Variants in AMPH observed in about 807,000 individuals in gnomAD.
The protein encoded by AMPH is amphiphysin (Stiff-Mann syndrome with breast cancer 128kD autoantigen).
AMPH carries 49 observed loss-of-function variants against 99.1 expected under a neutral mutation model. The ratio of observed to expected loss-of-function variants is 0.49; its 90% CI spans 0.39 to 0.63. AMPH has a LOEUF of 0.63. Ranked by LOEUF, AMPH falls within the 20% of genes least tolerant of loss-of-function variation. The pLI is 0.00. For synonymous variants in AMPH, 314 were observed against 317.3 expected, an observed-to-expected ratio of 0.99 and a Z score of 0.11; for missense variants, 759 against 863.4, an observed-to-expected ratio of 0.88 and a Z score of 1.52.
chr7:38,396,172 C>T (rs1784663400), intron 17 of AMPH, among the ~76,000 whole-genome samples: 1 of 152,138 alleles, frequency 6.6e-6, no homozygotes, highest in South Asian at 2.1e-4. Flanking sequence ...TGGTTTGGCT[C>T]TGTGTCCCCA....
At chr7:38,615,549 A>G (rs4723773) in intron 1 of AMPH, among the ~76,000 whole-genome samples, 12,177 of 152,128 alleles carry the variant, frequency 0.08, 809 homozygotes, top group African/African-American at 0.17. Flanking sequence ...CCCCTCTGCA[A>G]AAAAGAGTAA....
chr7:38,567,125 A>G (rs59521978), intron 1 of AMPH, among the ~76,000 whole-genome samples: 3,906 of 152,300 alleles, frequency 0.026, 149 homozygotes, highest in African/African-American at 0.088. Context: ...AATAGCAAAG[A>G]CTTGGAACCA....
At chr7:38,514,284 A>G (rs1350586728) in intron 2 of AMPH, among the ~76,000 whole-genome samples, 1 of 152,224 alleles carries the variant, frequency 6.6e-6, no homozygotes, top group South Asian at 2.1e-4. Flanking sequence ...TCATGCCTCA[A>G]TAGTTACCTG....
intron 7 of AMPH, among the ~76,000 whole-genome samples, chr7:38,470,939 C>A (rs1254773443): frequency 1.3e-5 from 2 of 152,066 alleles, no homozygotes; most frequent in African/African-American, 4.8e-5. Flanking sequence ...AAAATTTTTT[C>A]TGCATTGAAC....
At chr7:38,449,281 T>G (rs896498356) in intron 11 of AMPH, among the ~76,000 whole-genome samples, 4 of 152,226 alleles carry the variant, frequency 2.6e-5, no homozygotes, top group Admixed American at 2.0e-4. Flanking sequence ...CTGCTCTCTT[T>G]CGGGTGCTTA....
intron 1 of AMPH, among the ~76,000 whole-genome samples, chr7:38,555,320 G>GCTTGAGC (rs1429021336): frequency 6.6e-6 from 1 of 152,002 alleles, no homozygotes; most frequent in Non-Finnish European, 1.5e-5. Flanking sequence ...TAGGAGGATT[G>GCTTGAGC]CTTGAGCCCA....
At chr7:38,494,309 CAGTGCCT>C in intron 4 of AMPH, 117 bp downstream of exon 4, 2 of 812,564 alleles carry the variant, frequency 2.5e-6, no homozygotes, top group South Asian at 3.0e-5. Context: ...CAGAACTGCA[CAGTGCCT>C]TCTGAGCACA....
At chr7:38,598,423 C>T (rs966645330) in intron 1 of AMPH, among the ~76,000 whole-genome samples, 2 of 152,132 alleles carry the variant, frequency 1.3e-5, no homozygotes, top group Admixed American at 1.3e-4. Context: ...CTGCCTCAGC[C>T]TCCCAAGTAG....
chr7:38,465,177 T>A (rs760103900), intron 9 of AMPH, among the ~76,000 whole-genome samples: 20 of 152,134 alleles, frequency 1.3e-4, no homozygotes, highest in Non-Finnish European at 2.5e-4. Flanking sequence ...AACAAGCATA[T>A]ACATTATATA....
chr7:38,488,709 C>A (rs6970073), intron 5 of AMPH, among the ~76,000 whole-genome samples: 22,877 of 151,756 alleles, frequency 0.15, 3,218 homozygotes, highest in African/African-American at 0.37. Context: ...CTGGTAACAA[C>A]CTGAGAAAGA....
intron 1 of AMPH, among the ~76,000 whole-genome samples, chr7:38,576,918 T>C (rs1186098055): frequency 6.6e-6 from 1 of 152,204 alleles, no homozygotes; most frequent in Non-Finnish European, 1.5e-5. Context: ...AATATCTACC[T>C]GGCCGGGCTG....
intron 17 of AMPH, among the ~76,000 whole-genome samples, chr7:38,412,118 T>C (rs908246379): frequency 6.6e-6 from 1 of 152,146 alleles, no homozygotes; most frequent in African/African-American, 2.4e-5. Flanking sequence ...GCTATGGGGC[T>C]GTGATTTGAG....
chr7:38,540,120 A>G (rs896767073), intron 1 of AMPH, among the ~76,000 whole-genome samples: 1 of 152,230 alleles, frequency 6.6e-6, no homozygotes, highest in Non-Finnish European at 1.5e-5. Flanking sequence ...AGATTTTGAC[A>G]TCAACATGAC....
rs182136620 is a variant in AMPH at position 38,420,914 on chromosome 7, C to T, written c.1272+1507G>A. The T allele has an allele frequency of 3.0e-4, 138 of 455,586 alleles. 1 individual carries two copies. The highest frequency in any genetic ancestry group is 2.2e-3 in the Middle Eastern group (6 of 2,684). 28.2% of individuals were successfully genotyped at this position (455,586 alleles called of 1,614,324 possible). A position where few individuals can be genotyped will look rare whatever the true frequency, so the allele number is the denominator to read the frequency against. ...TGATTACCAACTTCACCCCCTACCT[C>T]GCTCAGAATAGTCAATGAGCCAAAC... is the stretch of plus-strand genomic sequence containing the variant. On this transcript the variant is annotated intron_variant, in intron 16 of 20. Transcript: ENST00000356264.
intron 18 of AMPH, chr7:38,392,824 C>A (rs941957996): frequency 2.6e-5 from 4 of 152,310 alleles, no homozygotes; most frequent in Non-Finnish European, 4.4e-5. Context: ...GAAGATCCAG[C>A]CGGGGTTTGG....
intron 2 of AMPH, among the ~76,000 whole-genome samples, chr7:38,532,831 G>C (rs1233134212): frequency 6.6e-6 from 1 of 151,660 alleles, no homozygotes; most frequent in African/African-American, 2.4e-5. Flanking sequence ...TGCTTCCAAA[G>C]TTAACCTTCT....
At chr7:38,475,833 G>A (rs1477842860) in intron 6 of AMPH, among the ~76,000 whole-genome samples, 3 of 152,212 alleles carry the variant, frequency 2.0e-5, no homozygotes, top group Non-Finnish European at 4.4e-5. Context: ...AGGTGGTGCA[G>A]AGAAGAGAGA....
chr7:38,624,767 G>A (rs993781823), intron 1 of AMPH, among the ~76,000 whole-genome samples: 9 of 152,056 alleles, frequency 5.9e-5, no homozygotes, highest in Non-Finnish European at 1.2e-4. Flanking sequence ...GACTGCATGT[G>A]CTTATTTCCA....
chr7:38,567,748 T>C (rs116185415), intron 1 of AMPH, among the ~76,000 whole-genome samples: 2,166 of 152,212 alleles, frequency 0.014, 56 homozygotes, highest in African/African-American at 0.049. Context: ...AAGCTCAAAT[T>C]GAAAATAATT....
Sources: allele counts gnomAD v4.1 joint callset (sites outside exome capture counted in the v4.1 genomes callset), GRCh38; gene constraint gnomAD v4.1.1; transcripts MANE v1.5; gene names NCBI Gene and HGNC (gene_info 2026-07-23, HGNC 2026-07-21).